GLI3: variants seen among roughly 807,000 people sequenced by gnomAD.
The protein encoded by GLI3 is transcription activator GLI3.
A neutral mutation model predicts 100.8 loss-of-function variants in GLI3; 20 were observed. The observed-to-expected ratio is 0.20, with a 90% CI of 0.14 to 0.29. GLI3 has a LOEUF of 0.29. Ranked by LOEUF, GLI3 falls within the 10% of genes least tolerant of loss-of-function variation. The probability of loss-of-function intolerance (pLI) is 1.00; values close to 1 mark genes in which losing one functional copy is unlikely to be tolerated. For synonymous variants in GLI3, 938 were observed against 860.5 expected (o/e 1.09, Z -1.58); for missense variants, 2,040 against 2,128.5 (o/e 0.96, Z 0.82).
intron 2 of GLI3, chr7:42,151,094 G>A (rs1266420447): frequency 5.9e-5 from 9 of 152,244 alleles, no homozygotes; most frequent in African/African-American, 2.2e-4. Context: ...AAAGTTAAAT[G>A]CAGGCAGGAA....
chr7:42,182,301 G>T (rs1260073981), intron 2 of GLI3, among the ~76,000 whole-genome samples: 1 of 151,914 alleles, frequency 6.6e-6, no homozygotes, highest in African/African-American at 2.4e-5. Context: ...ACGGTGAGTG[G>T]CTACCATGTT....
chr7:42,229,771 G>A (rs538627949), intron 1 of GLI3, among the ~76,000 whole-genome samples: 3 of 151,916 alleles, frequency 2.0e-5, no homozygotes, highest in Non-Finnish European at 2.9e-5. Context: ...TTTAGAAAGA[G>A]AATTTTTTTT....
intron 2 of GLI3, among the ~76,000 whole-genome samples, chr7:42,202,929 C>A (rs1242277750): frequency 6.6e-6 from 1 of 152,172 alleles, no homozygotes; most frequent in Non-Finnish European, 1.5e-5. Flanking sequence ...CATTCCTAAA[C>A]CCAATTCTTC....
chr7:42,231,747 A>G (rs1401139685), intron 1 of GLI3, among the ~76,000 whole-genome samples: 1 of 152,228 alleles, frequency 6.6e-6, no homozygotes, highest in Admixed American at 6.5e-5. Context: ...AATGAAATCA[A>G]TAATAGGGCT....
At chr7:42,253,123 C>T (rs976521105) in intron 1 of GLI3, among the ~76,000 whole-genome samples, 8 of 152,144 alleles carry the variant, frequency 5.3e-5, no homozygotes, top group African/African-American at 1.9e-4. Flanking sequence ...GCTAGCTGAG[C>T]CACGACTAAA....
At chr7:41,974,513 C>CA (rs1787456117) in intron 12 of GLI3, among the ~76,000 whole-genome samples, 1 of 152,108 alleles carries the variant, frequency 6.6e-6, no homozygotes, top group Non-Finnish European at 1.5e-5. Context: ...TCTGCAAGCA[C>CA]AAAGTTGCAT....
intron 3 of GLI3, among the ~76,000 whole-genome samples, chr7:42,100,214 A>G (rs1294149205): frequency 6.6e-6 from 1 of 152,212 alleles, no homozygotes; most frequent in Non-Finnish European, 1.5e-5. Flanking sequence ...AGGGACTGTG[A>G]CTGTGAAAGT....
chr7:42,134,883 T>C (rs969802064), intron 3 of GLI3, among the ~76,000 whole-genome samples: 8 of 152,056 alleles, frequency 5.3e-5, no homozygotes, highest in Admixed American at 3.3e-4. Context: ...CTGGAACGGA[T>C]CAAGCAGAAA....
intron 4 of GLI3, among the ~76,000 whole-genome samples, chr7:42,072,758 C>A (rs1784808465): frequency 6.6e-6 from 1 of 152,160 alleles, no homozygotes; most frequent in Non-Finnish European, 1.5e-5. Context: ...TAAAAATATA[C>A]ACATAAAATA....
intron 2 of GLI3, among the ~76,000 whole-genome samples, chr7:42,213,450 T>C (rs1005526626): frequency 6.6e-6 from 1 of 152,200 alleles, no homozygotes; most frequent in Non-Finnish European, 1.5e-5. Context: ...GTTTCGTGAC[T>C]GGTGGTGAAA....
At chr7:42,261,200 AACACACAC>A (rs10524898) in intron 1 of GLI3, among the ~76,000 whole-genome samples, 3 of 147,334 alleles carry the variant, frequency 2.0e-5, no homozygotes. Flanking sequence ...CACACACACA[AACACACAC>A]ACACACACAC....
chr7:42,120,928 C>A (rs1785981912), intron 3 of GLI3, among the ~76,000 whole-genome samples: 4 of 152,160 alleles, frequency 2.6e-5, no homozygotes, highest in Admixed American at 2.6e-4. Flanking sequence ...GGCACATGTT[C>A]ATGGGATATA....
chr7:41,962,015 A>G lies in GLI3; in HGVS notation c.*2315T>C, dbSNP rs528117077. On this transcript the variant is annotated 3_prime_UTR_variant, in exon 15 of 15. Transcript: ENST00000395925. ...AAGAAGAATAGGGGAAACCCAGAAA[A>G]TAACCTGAAACCATAGGAAAGAGCA... The G allele has an allele frequency of 1.5e-4, 23 of 152,372 alleles. No individual in the cohort carries two copies. The highest frequency in any genetic ancestry group is 4.8e-4 in the African/African-American group (20 of 41,592). 9.4% of individuals were successfully genotyped at this position (152,372 alleles called of 1,614,324 possible).
intron 11 of GLI3, 53 bp downstream of exon 11, chr7:41,978,546 T>C (rs781585733): frequency 7.5e-5 from 118 of 1,577,276 alleles, no homozygotes; most frequent in Non-Finnish European, 9.3e-5. Flanking sequence ...TGCACAGCTC[T>C]TATGAGTATG....
chr7:42,253,204 T>C (rs1789051326), intron 1 of GLI3, among the ~76,000 whole-genome samples: 1 of 152,164 alleles, frequency 6.6e-6, no homozygotes, highest in African/African-American at 2.4e-5. Flanking sequence ...CCCACAACCA[T>C]CAGCATCTTG....
At chr7:42,222,617 G>A (rs758061931) in intron 2 of GLI3, among the ~76,000 whole-genome samples, 1 of 152,148 alleles carries the variant, frequency 6.6e-6, no homozygotes, top group East Asian at 1.9e-4. Flanking sequence ...ATTTTTATAA[G>A]CTAACAACAA....
intron 2 of GLI3, among the ~76,000 whole-genome samples, chr7:42,202,080 CA>C (rs35682171): frequency 0.11 from 9,718 of 92,100 alleles, 413 homozygotes; most frequent in African/African-American, 0.24. Flanking sequence ...GACTCCGTCT[CA>C]AAAAAAAAAA....
At position 41,962,392 on chromosome 7, in the gene GLI3, GTC is replaced by G. The variant is rs1334773782; in HGVS notation, c.*1936_*1937del. On this transcript the variant is annotated 3_prime_UTR_variant, in exon 15 of 15. Transcript: ENST00000395925. ...GCCTTGTTTCAGAAACACAGAGAAAGTCTTGCTTTTTCAACTGAAAAGTGGTA... is the reference window on the plus strand; with the variant it reads ...GCCTTGTTTCAGAAACACAGAGAAAGTTGCTTTTTCAACTGAAAAGTGGTA... The G allele has an allele frequency of 6.6e-6, 1 of 152,250 alleles. No homozygotes were observed. The highest frequency in any genetic ancestry group is 2.4e-5 in the African/African-American group (1 of 41,474). 9.4% of individuals were successfully genotyped at this position (152,250 alleles called of 1,614,324 possible).
chr7:42,131,901 G>C (rs1451136951), intron 3 of GLI3, among the ~76,000 whole-genome samples: 2 of 151,994 alleles, frequency 1.3e-5, no homozygotes, highest in Non-Finnish European at 2.9e-5. Flanking sequence ...TATTGCATAA[G>C]AAATATCTAG....
Sources: gnomAD v4.1 joint callset for allele counts (sites outside exome capture counted in the v4.1 genomes callset) on GRCh38, gnomAD v4.1.1 for gene constraint, MANE v1.5 for transcripts, NCBI Gene and HGNC (gene_info 2026-07-23, HGNC 2026-07-21) for gene names.